SGMS2: variants seen among roughly 807,000 people sequenced by gnomAD.
The protein encoded by SGMS2 is phosphatidylcholine:ceramide cholinephosphotransferase 2.
A neutral mutation model predicts 43.8 loss-of-function variants in SGMS2; 21 were observed. The observed-to-expected ratio is 0.48, with a 90% CI of 0.34 to 0.69. The LOEUF is 0.69. Ranked by LOEUF, SGMS2 falls within the 30% of genes least tolerant of loss-of-function variation. SGMS2 has a pLI of 0.01. For missense variants in SGMS2, 384 were observed against 443.2 expected, an observed-to-expected ratio of 0.87 and a Z score of 1.20; for synonymous variants, 167 against 160.6, an observed-to-expected ratio of 1.04 and a Z score of -0.30.
At chr4:107,847,553 C>CT (rs1726902372) in intron 1 of SGMS2, among the ~76,000 whole-genome samples, 1 of 151,942 alleles carries the variant, frequency 6.6e-6, no homozygotes. Context: ...AGTGTGATGC[C>CT]TCCAGCTTTG....
intron 1 of SGMS2, among the ~76,000 whole-genome samples, chr4:107,834,224 A>G (rs1322835262): frequency 6.6e-6 from 1 of 152,256 alleles, no homozygotes; most frequent in African/African-American, 2.4e-5. Flanking sequence ...CACATTAAGT[A>G]TAGCAAGGTT....
intron 4 of SGMS2, among the ~76,000 whole-genome samples, chr4:107,903,006 G>C (rs1259588748): frequency 1.3e-5 from 2 of 151,968 alleles, no homozygotes; most frequent in East Asian, 3.9e-4. Context: ...CCACCACCAA[G>C]ACATATTATT....
In SGMS2 at chr4:107,896,022, A is replaced by C. The variant is rs111487080; in HGVS notation, c.455+14A>C. ...TCTGAGATACAAGTAAGTAAATCTA[A>C]TGTTTTGAGGATTTGTCATGGGTTT... On this transcript the variant is annotated intron_variant, in intron 3 of 6. Transcript: ENST00000690982. 1,225 of 1,600,224 alleles carry C rather than the reference A, an allele frequency of 7.7e-4. 17 individuals are homozygous for C. The African/African-American group carries it at 0.014, about 19-fold the overall frequency.
chr4:107,903,455 T>C, intron 5 of SGMS2, 69 bp downstream of exon 5: 1 of 1,440,404 alleles, frequency 6.9e-7, no homozygotes, highest in Non-Finnish European at 9.6e-7. Context: ...CTGAAATTGA[T>C]AGGAGCCCTT....
At chr4:107,863,181 C>T (rs554926502) in intron 2 of SGMS2, among the ~76,000 whole-genome samples, 1 of 152,268 alleles carries the variant, frequency 6.6e-6, no homozygotes, top group Non-Finnish European at 1.5e-5. Flanking sequence ...GTAAAAATAG[C>T]CCAAGATCCC....
intron 1 of SGMS2, among the ~76,000 whole-genome samples, chr4:107,840,397 G>A (rs932971725): frequency 1.3e-5 from 2 of 152,096 alleles, no homozygotes; most frequent in Non-Finnish European, 2.9e-5. Flanking sequence ...TGAAAAGATC[G>A]TATCTCAAGT....
intron 1 of SGMS2, among the ~76,000 whole-genome samples, chr4:107,832,183 G>A (rs971928529): frequency 2.0e-5 from 3 of 152,156 alleles, no homozygotes; most frequent in Non-Finnish European, 4.4e-5. Context: ...TAGCAACAAA[G>A]GGTATTGTTT....
intron 1 of SGMS2, among the ~76,000 whole-genome samples, chr4:107,849,374 T>C (rs1328819979): frequency 6.6e-6 from 1 of 152,168 alleles, no homozygotes; most frequent in Non-Finnish European, 1.5e-5. Flanking sequence ...ATGTAGCTAG[T>C]GTGACTGAGG....
At chr4:107,909,362 C>T (rs1221167112) in intron 6 of SGMS2, among the ~76,000 whole-genome samples, 1 of 152,114 alleles carries the variant, frequency 6.6e-6, no homozygotes, top group Non-Finnish European at 1.5e-5. Flanking sequence ...CCTCCCACCT[C>T]GGCCTCCCAA....
rs149343519 is a variant in SGMS2, at chr4:107,913,802, T to C, written c.*3249T>C. The C allele has an allele frequency of 1.3e-5, 2 of 152,294 alleles. No homozygotes were observed. The highest frequency in any genetic ancestry group is 3.9e-4 in the East Asian group (2 of 5,178). 9.4% of individuals were successfully genotyped at this position (152,294 alleles called of 1,614,324 possible). A position where few individuals can be genotyped will look rare whatever the true frequency, so the allele number is the denominator to read the frequency against. Reference sequence around the variant, plus strand: ...TTTGTTTACTTTGAAACACCAAATTTGTTGTCTTGGTTTTTTTTACATGAC... The same window carrying C: ...TTTGTTTACTTTGAAACACCAAATTCGTTGTCTTGGTTTTTTTTACATGAC... On this transcript the variant is annotated 3_prime_UTR_variant, in exon 7 of 7. Coordinates refer to ENST00000690982, the MANE Select transcript of SGMS2 (RefSeq NM_001375905.1).
At chr4:107,910,216 C>T in intron 6 of SGMS2, 134 bp from the exon 7 acceptor site, 1 of 737,500 alleles carries the variant, frequency 1.4e-6, no homozygotes, top group Non-Finnish European at 2.2e-6. Context: ...AGGGAAAGGA[C>T]ATGAAAATCA....
At chr4:107,863,673 A>G (rs1727906891) in intron 2 of SGMS2, 1 of 152,128 alleles carries the variant, frequency 6.6e-6, no homozygotes, top group Non-Finnish European at 1.5e-5. Context: ...CTTCCAGTGG[A>G]TATGTAATGC....
intron 1 of SGMS2, among the ~76,000 whole-genome samples, chr4:107,854,565 G>A (rs1381598645): frequency 6.6e-6 from 1 of 152,094 alleles, no homozygotes; most frequent in Non-Finnish European, 1.5e-5. Context: ...GTTACTTAGT[G>A]TTTTTATGTG....
chr4:107,848,698 A>G (rs1466279058), intron 1 of SGMS2, among the ~76,000 whole-genome samples: 1 of 152,102 alleles, frequency 6.6e-6, no homozygotes, highest in African/African-American at 2.4e-5. Context: ...TTTGTCATCT[A>G]TATGTCTTGT....
chr4:107,858,017 C>G (rs1038406738), intron 1 of SGMS2, among the ~76,000 whole-genome samples: 4 of 152,068 alleles, frequency 2.6e-5, no homozygotes, highest in African/African-American at 9.7e-5. Context: ...CCCACCCCCC[C>G]CATCCCCAAC....
At chr4:107,826,372 G>A (rs1027582965) in intron 1 of SGMS2, among the ~76,000 whole-genome samples, 2 of 152,218 alleles carry the variant, frequency 1.3e-5, no homozygotes, top group African/African-American at 4.8e-5. Flanking sequence ...AGATTGGGAA[G>A]TGATGTTTTC....
intron 1 of SGMS2, among the ~76,000 whole-genome samples, chr4:107,831,203 T>G (rs769138318): frequency 1.3e-5 from 2 of 152,188 alleles, no homozygotes; most frequent in African/African-American, 4.8e-5. Context: ...TGGCTTTCTG[T>G]TTTGTCTCCA....
Position 107,903,251 on chromosome 4 carries a change from G to A in SGMS2, c.592G>A (p.Ala198Thr). ...CATTCAGCTCAATGGAGACTCTCAG[G>A]CAAAAGTTCAACGGATTCTACGATT... ...CAPKLNGDSQ[A>T]KVQRILRLIS... Residue 198 changes from alanine to threonine, a missense_variant, in exon 5 of 7, where the codon GCA becomes ACA. Coordinates refer to ENST00000690982, the MANE Select transcript of SGMS2 (RefSeq NM_001375905.1). 1.2e-6 allele frequency: 2 copies of A among 1,613,918 alleles called. No homozygotes were observed. The highest frequency in any genetic ancestry group is 1.7e-6 in the Non-Finnish European group (2 of 1,179,898).
At chr4:107,906,317 C>T (rs771611685) in intron 5 of SGMS2, among the ~76,000 whole-genome samples, 31 of 152,116 alleles carry the variant, frequency 2.0e-4, no homozygotes, top group Non-Finnish European at 3.7e-4. Flanking sequence ...AGGACCATTT[C>T]GGGGTTAGCA....
Sources: allele counts gnomAD v4.1 joint callset (sites outside exome capture counted in the v4.1 genomes callset), GRCh38; gene constraint gnomAD v4.1.1; transcripts MANE v1.5; gene names NCBI Gene and HGNC (gene_info 2026-07-23, HGNC 2026-07-21).